KCNH5: variants seen among roughly 807,000 people sequenced by gnomAD.
KCNH5 encodes the protein potassium voltage-gated channel subfamily H member 5.
In KCNH5, 46 loss-of-function variants were observed where a neutral mutation model predicts 96.1. The ratio of observed to expected loss-of-function variants is 0.48; its 90% CI spans 0.38 to 0.61. The LOEUF is 0.61. KCNH5 is among the 20% of genes least tolerant of loss of function. The pLI is 0.00. For missense variants in KCNH5, 907 were observed against 1,225.8 expected, an observed-to-expected ratio of 0.74 and a Z score of 3.88; for synonymous variants, 439 against 449.8, an observed-to-expected ratio of 0.98 and a Z score of 0.30.
At chr14:62,853,631 C>A (rs1042208332) in intron 7 of KCNH5, among the ~76,000 whole-genome samples, 1 of 151,632 alleles carries the variant, frequency 6.6e-6, no homozygotes, top group Non-Finnish European at 1.5e-5. Context: ...TTCTTCAGAG[C>A]CCCTTTACTA....
chr14:62,711,603 A>G (rs1884569557), intron 10 of KCNH5, among the ~76,000 whole-genome samples: 1 of 152,130 alleles, frequency 6.6e-6, no homozygotes, highest in Non-Finnish European at 1.5e-5. Flanking sequence ...AGTTTGCAGA[A>G]CAGCAGGACC....
chr14:62,857,241 G>A (rs551754661), intron 7 of KCNH5, among the ~76,000 whole-genome samples: 1 of 152,268 alleles, frequency 6.6e-6, no homozygotes, highest in East Asian at 1.9e-4. Flanking sequence ...AAAGACGGAA[G>A]AAATGGAGAG....
chr14:62,970,044 T>TAAAAA (rs373852520), intron 6 of KCNH5, among the ~76,000 whole-genome samples: 1 of 30,406 alleles, frequency 3.3e-5, no homozygotes, highest in African/African-American at 1.2e-4. Context: ...AGACTCCGTC[T>TAAAAA]AAAAAAAAAA....
At chr14:62,973,315 G>A (rs1219689503) in intron 6 of KCNH5, among the ~76,000 whole-genome samples, 6 of 152,156 alleles carry the variant, frequency 3.9e-5, no homozygotes, top group Non-Finnish European at 7.4e-5. Flanking sequence ...ATTCCAAGAA[G>A]GATTGGGTAG....
chr14:62,804,946 T>A (rs1294645262), intron 8 of KCNH5, among the ~76,000 whole-genome samples: 1 of 152,210 alleles, frequency 6.6e-6, no homozygotes, highest in Non-Finnish European at 1.5e-5. Flanking sequence ...GCAGTCTTCA[T>A]CTGGACAGTT....
chr14:62,853,752 G>T (rs974777224), intron 7 of KCNH5, among the ~76,000 whole-genome samples: 1 of 151,644 alleles, frequency 6.6e-6, no homozygotes. Context: ...GCTCATGCCT[G>T]TAATCTCAGC....
intron 4 of KCNH5, among the ~76,000 whole-genome samples, chr14:62,997,260 AC>A (rs566949394): frequency 4.7e-4 from 71 of 152,334 alleles, no homozygotes; most frequent in Middle Eastern, 3.4e-3. Flanking sequence ...AAGGATGGTT[AC>A]AAGAGGCTGG....
intron 7 of KCNH5, among the ~76,000 whole-genome samples, chr14:62,889,331 T>A (rs1689701878): frequency 6.6e-6 from 1 of 151,698 alleles, no homozygotes; most frequent in Admixed American, 6.6e-5. Context: ...AATGAAAACC[T>A]CCCCCTCACA....
chr14:62,873,363 G>C (rs1189626648), intron 7 of KCNH5, among the ~76,000 whole-genome samples: 1 of 152,104 alleles, frequency 6.6e-6, no homozygotes, highest in East Asian at 1.9e-4. Flanking sequence ...CAATGCATAG[G>C]TCTAGAATGT....
chr14:63,014,451 C>T (rs561410198), intron 2 of KCNH5, among the ~76,000 whole-genome samples: 59 of 152,202 alleles, frequency 3.9e-4, no homozygotes, highest in African/African-American at 1.4e-3. Flanking sequence ...AGAAAAGCAG[C>T]TCTTTCATAG....
At position 62,703,758 on chromosome 14, in the gene KCNH5, T is replaced by A. The variant is rs1352553542; in HGVS notation, c.*3750A>T. On this transcript the variant is annotated 3_prime_UTR_variant, in exon 11 of 11. Coordinates refer to ENST00000322893, the MANE Select transcript of KCNH5 (RefSeq NM_139318.5). ...ATTATAAAATATTCATATTTGAAAG[T>A]TATCCATGTATGATATGCACATTCT... is the stretch of plus-strand genomic sequence containing the variant. 6.6e-6 allele frequency: 1 copy of A among 151,920 alleles called. No individual in the cohort carries two copies. Among genetic ancestry groups the A allele is most frequent in the Non-Finnish European group, 1.5e-5 (1 of 67,804 alleles). The allele number at this position is 151,920 out of a possible 1,614,324, so 9.4% of individuals were successfully genotyped here. A position where few individuals can be genotyped will look rare whatever the true frequency, so the allele number is the denominator to read the frequency against.
chr14:62,832,468 C>T (rs191522586), intron 8 of KCNH5, among the ~76,000 whole-genome samples: 4 of 152,148 alleles, frequency 2.6e-5, no homozygotes, highest in Admixed American at 6.6e-5. Flanking sequence ...AATTATATAT[C>T]GTTGTTCGTA....
At chr14:63,029,936 A>G (rs1393329410) in intron 1 of KCNH5, among the ~76,000 whole-genome samples, 1 of 152,162 alleles carries the variant, frequency 6.6e-6, no homozygotes, top group African/African-American at 2.4e-5. Context: ...TTTAGCTTTA[A>G]AACATGTTGA....
intron 4 of KCNH5, among the ~76,000 whole-genome samples, chr14:62,992,163 T>A (rs903773005): frequency 6.6e-6 from 1 of 152,094 alleles, no homozygotes; most frequent in Non-Finnish European, 1.5e-5. Context: ...ATGATTTCAT[T>A]CTTTTTTATG....
intron 4 of KCNH5, among the ~76,000 whole-genome samples, chr14:62,991,471 G>C (rs1890807091): frequency 6.6e-6 from 1 of 151,974 alleles, no homozygotes; most frequent in African/African-American, 2.4e-5. Context: ...GAGAAATTTA[G>C]GAGAAAAGAC....
chr14:62,774,522 A>C (rs1192406633), intron 10 of KCNH5, among the ~76,000 whole-genome samples: 1 of 152,236 alleles, frequency 6.6e-6, no homozygotes, highest in East Asian at 1.9e-4. Context: ...TGTAATATTA[A>C]CTTTAAAAGT....
chr14:62,888,818 T>A (rs564535532), intron 7 of KCNH5, among the ~76,000 whole-genome samples: 59 of 152,260 alleles, frequency 3.9e-4, no homozygotes, highest in South Asian at 1.2e-3. Context: ...AAAATAATTG[T>A]TAATATCACA....
At chr14:62,885,398 A>T (rs1888576731) in intron 7 of KCNH5, among the ~76,000 whole-genome samples, 1 of 152,232 alleles carries the variant, frequency 6.6e-6, no homozygotes, top group Non-Finnish European at 1.5e-5. Context: ...GACCAGGCTC[A>T]TAAATAATCA....
At chr14:63,002,275 T>G (rs1891025129) in intron 3 of KCNH5, among the ~76,000 whole-genome samples, 1 of 152,148 alleles carries the variant, frequency 6.6e-6, no homozygotes, top group Admixed American at 6.6e-5. Flanking sequence ...TATTCAAGGC[T>G]TATCATTTGG....
Sources: allele counts gnomAD v4.1 joint callset (sites outside exome capture counted in the v4.1 genomes callset), GRCh38; gene constraint gnomAD v4.1.1; transcripts MANE v1.5; gene names NCBI Gene and HGNC (gene_info 2026-07-23, HGNC 2026-07-21).